CTSH: variants seen among roughly 807,000 people sequenced by gnomAD.
CTSH encodes the protein cathepsin H, also known as pro-cathepsin H.
CTSH carries 52 observed loss-of-function variants against 56.3 expected under a neutral mutation model. The observed-to-expected ratio is 0.92, with a 90% confidence interval of 0.74 to 1.16. The LOEUF is 1.16. CTSH is among the 50% of genes most tolerant of loss of function. The probability of loss-of-function intolerance (pLI) is 0.00; values close to 1 mark genes in which losing one functional copy is unlikely to be tolerated. For missense variants in CTSH, 406 were observed against 424.5 expected (o/e 0.96, Z 0.38); for synonymous variants, 174 against 155.7 (o/e 1.12, Z -0.88).
rs1374110094 is a variant in CTSH, at chr15:78,922,988, C to T, written c.932+5G>A. 5.0e-6 allele frequency: 8 copies of T among 1,606,562 alleles called. No individual in the cohort carries two copies. The highest frequency in any genetic ancestry group is 1.7e-4 in the Middle Eastern group (1 of 6,010). On this transcript the variant is annotated splice_donor_5th_base_variant and intron_variant, in intron 11 of 11. Transcript: ENST00000220166. Reference sequence around the variant, plus strand: ...TCCCAGAAGTGGGACCTGGGAGCTGCTTACCCGTTCATTCCCCACTGGGGA... The same window carrying T: ...TCCCAGAAGTGGGACCTGGGAGCTGTTTACCCGTTCATTCCCCACTGGGGA...
At chr15:78,943,162 T>G (rs1471641673) in intron 1 of CTSH, among the ~76,000 whole-genome samples, 2 of 152,202 alleles carry the variant, frequency 1.3e-5, no homozygotes, top group African/African-American at 2.4e-5. Flanking sequence ...TACCCTAAAA[T>G]AGATCCATTC....
intron 2 of CTSH, 90 bp from the exon 3 acceptor site, chr15:78,937,513 A>G (rs2055201815): frequency 3.6e-6 from 5 of 1,383,602 alleles, no homozygotes; most frequent in Non-Finnish European, 5.0e-6. Context: ...GGAAAGATGA[A>G]GGTTTTCTTT....
chr15:78,929,258 A>T (rs1046641412), intron 8 of CTSH, among the ~76,000 whole-genome samples, 154 bp downstream of exon 8: 4 of 150,002 alleles, frequency 2.7e-5, no homozygotes, highest in Non-Finnish European at 5.9e-5. Context: ...AGGTGGGTGG[A>T]GGAGGGGAAG....
At position 78,934,407 on chromosome 15, in the gene CTSH, ACT is replaced by A. The variant is rs1221413150; in HGVS notation, c.405+569_405+570del. Among the ~76,000 whole-genome samples, 3 of 152,052 alleles carry A rather than the reference ACT, an allele frequency of 2.0e-5. No homozygotes were observed. The East Asian group carries it at 5.8e-4, about 29-fold the overall frequency. On this transcript the variant is annotated intron_variant, in intron 5 of 11. Coordinates refer to ENST00000220166, the MANE Select transcript of CTSH (RefSeq NM_004390.5). ...GGAGAACAGCGGGGGCAGGGTCCAG[ACT>A]CTCTGGGACAGGGCCTGTGCTGAGA...
At position 78,921,130 on chromosome 15, in the gene CTSH, T is replaced by C. The variant is rs965243170; in HGVS notation, c.*1000A>G. 1 of 152,198 alleles carries C rather than the reference T, an allele frequency of 6.6e-6. No individual in the cohort carries two copies. Among genetic ancestry groups the C allele is most frequent in the East Asian group, 1.9e-4 (1 of 5,200 alleles). 9.4% of individuals were successfully genotyped at this position (152,198 alleles called of 1,614,324 possible). ...CATGAACATATATATTTTTCAAATATTCTCAAGCCTTTAGCTTTTCAGGAA... is the reference window on the plus strand; with the variant it reads ...CATGAACATATATATTTTTCAAATACTCTCAAGCCTTTAGCTTTTCAGGAA... On this transcript the variant is annotated 3_prime_UTR_variant, in exon 12 of 12. Coordinates refer to ENST00000220166, the MANE Select transcript of CTSH (RefSeq NM_004390.5).
In CTSH at chr15:78,938,517, A is replaced by G. The variant is rs118087960; in HGVS notation, c.123+623T>C. The stretch of plus-strand genomic sequence containing the variant: ...CCACATACGAGTGAGAACATGTAAT[A>G]TTTGCCTTTCTATGCTTGGCTTATT... On this transcript the variant is annotated intron_variant, in intron 2 of 11. Coordinates refer to ENST00000220166, the MANE Select transcript of CTSH (RefSeq NM_004390.5). 4.1e-3 allele frequency among the ~76,000 whole-genome samples: 618 copies of G among 152,224 alleles called. 25 individuals are homozygous for G. The East Asian group carries it at 0.098, about 24-fold the overall frequency.
intron 3 of CTSH, among the ~76,000 whole-genome samples, chr15:78,936,134 A>G (rs962331799): frequency 6.6e-6 from 1 of 150,988 alleles, no homozygotes; most frequent in African/African-American, 2.4e-5. Flanking sequence ...GTCTCTACAC[A>G]GCCCCAGCAG....
rs929384130 is a variant in CTSH at position 78,921,115 on chromosome 15, T to C, written c.*1015A>G. 2 of 152,196 alleles carry C rather than the reference T, an allele frequency of 1.3e-5. No individual in the cohort carries two copies. Among genetic ancestry groups the C allele is most frequent in the Admixed American group, 6.5e-5 (1 of 15,270 alleles). 9.4% of individuals were successfully genotyped at this position (152,196 alleles called of 1,614,324 possible). On this transcript the variant is annotated 3_prime_UTR_variant, in exon 12 of 12. Coordinates refer to ENST00000220166, the MANE Select transcript of CTSH (RefSeq NM_004390.5). Reference sequence around the variant, plus strand: ...CTAAATAAGCCTTATCATGAACATATATATTTTTCAAATATTCTCAAGCCT... The same window carrying C: ...CTAAATAAGCCTTATCATGAACATACATATTTTTCAAATATTCTCAAGCCT...
intron 11 of CTSH, among the ~76,000 whole-genome samples, chr15:78,922,470 T>C (rs907601328): frequency 6.6e-6 from 1 of 152,172 alleles, no homozygotes; most frequent in Admixed American, 6.5e-5. Flanking sequence ...CTCTTAGCCC[T>C]GGCCGGGCCC....
intron 4 of CTSH, among the ~76,000 whole-genome samples, 153 bp from the exon 5 acceptor site, chr15:78,935,235 C>A (rs2055151537): frequency 6.6e-6 from 1 of 152,142 alleles, no homozygotes; most frequent in Admixed American, 6.5e-5. Flanking sequence ...CTACTGGTCC[C>A]AAGTGCTAAA....
intron 3 of CTSH, chr15:78,937,091 G>A (rs904431117): frequency 3.7e-6 from 2 of 533,916 alleles, no homozygotes; most frequent in African/African-American, 3.8e-5. Context: ...CTTCTACAGA[G>A]TCTCTTGTAA....
chr15:78,936,915 C>T (rs1362181614), intron 3 of CTSH: 1 of 166,798 alleles, frequency 6.0e-6, no homozygotes, highest in African/African-American at 2.4e-5. Flanking sequence ...AGGCGTGAGC[C>T]ACCGCGCCCG....
chr15:78,939,435 C>T (rs1231811278), intron 1 of CTSH, among the ~76,000 whole-genome samples: 1 of 152,158 alleles, frequency 6.6e-6, no homozygotes, highest in East Asian at 1.9e-4. Context: ...GGTCGGGGTG[C>T]AGAAAGCACT....
intron 1 of CTSH, among the ~76,000 whole-genome samples, chr15:78,943,687 C>G (rs2055338888): frequency 6.6e-6 from 1 of 152,246 alleles, no homozygotes; most frequent in South Asian, 2.1e-4. Context: ...CACTGACTCA[C>G]TTACATACAA....
intron 5 of CTSH, among the ~76,000 whole-genome samples, chr15:78,933,743 GC>G (rs2055115475): frequency 6.6e-6 from 1 of 152,208 alleles, no homozygotes; most frequent in African/African-American, 2.4e-5. Flanking sequence ...TGGACCTCAG[GC>G]AAACCACCCT....
Position 78,922,185 on chromosome 15 carries a change from C to T in CTSH, c.953G>A (p.Gly318Glu), listed in dbSNP as rs1428927884. The change falls in exon 12 of 12, where the codon GGA becomes GAA. Residue 318 changes from glycine to glutamate, a missense_variant. By Grantham distance (98) the Gly-to-Glu change is moderately conservative (BLOSUM62 -2). Transcript: ENST00000220166. ...GMNGYFLIER[G>E]KNMCGLAACA... ...GGCAGCCAGGCCACACATGTTCTTT[C>T]CGCGCTCGATGAGGAAGTACCTGGG... The T allele has an allele frequency of 1.9e-6, 3 of 1,582,486 alleles. No individual in the cohort carries two copies. The highest frequency in any genetic ancestry group is 2.7e-5 in the African/African-American group (2 of 74,454).
intron 2 of CTSH, 119 bp downstream of exon 2, chr15:78,939,021 C>T: frequency 1.1e-6 from 1 of 885,922 alleles, no homozygotes; most frequent in Non-Finnish European, 1.8e-6. Context: ...TCTGGAAAGA[C>T]CCCACTAGGC....
At chr15:78,925,469 C>A in intron 9 of CTSH, 29 bp from the exon 10 acceptor site, 1 of 1,448,510 alleles carries the variant, frequency 6.9e-7, no homozygotes. Flanking sequence ...GACAGAAACA[C>A]ATGGCCTGTC....
Position 78,927,787 on chromosome 15 carries a change from G to A in CTSH, c.631-6C>T. Reference sequence around the variant, plus strand: ...TGGAACTTGCAATAACCATCCTGTTGAGGATGCAAAGGGCATGAAATACAG... The same window carrying A: ...TGGAACTTGCAATAACCATCCTGTTAAGGATGCAAAGGGCATGAAATACAG... On this transcript the variant is annotated splice_polypyrimidine_tract_variant and splice_region_variant and intron_variant, in intron 8 of 11. Coordinates refer to ENST00000220166, the MANE Select transcript of CTSH (RefSeq NM_004390.5). 1 of 1,613,518 alleles carries A rather than the reference G, an allele frequency of 6.2e-7. No homozygotes were observed. Among genetic ancestry groups the A allele is most frequent in the Non-Finnish European group, 8.5e-7 (1 of 1,179,448 alleles).
Sources: allele counts gnomAD v4.1 joint callset (sites outside exome capture counted in the v4.1 genomes callset), GRCh38; gene constraint gnomAD v4.1.1; transcripts MANE v1.5; gene names NCBI Gene and HGNC (gene_info 2026-07-23, HGNC 2026-07-21).